Variants in PCNX2 observed in about 807,000 individuals in gnomAD.
PCNX2 encodes the protein pecanex-like protein 2.
PCNX2 carries 168 observed loss-of-function variants against 223.8 expected under a neutral mutation model. The observed-to-expected ratio is 0.75, with a 90% CI of 0.66 to 0.85. The LOEUF (loss-of-function observed/expected upper bound fraction) is 0.85, where lower values mean the gene tolerates loss of function less well. PCNX2 is among the 40% of genes least tolerant of loss of function. The probability of loss-of-function intolerance (pLI) is 0.00; values close to 1 mark genes in which losing one functional copy is unlikely to be tolerated. For synonymous variants in PCNX2, 1,006 were observed against 1,052.6 expected (o/e 0.96, Z 0.86); for missense variants, 2,507 against 2,675.5 (o/e 0.94, Z 1.39).
At chr1:233,217,172 ACT>A (rs1657003851) in intron 12 of PCNX2, among the ~76,000 whole-genome samples, 1 of 151,986 alleles carries the variant, frequency 6.6e-6, no homozygotes, top group African/African-American at 2.4e-5. Context: ...ATAATAATAC[ACT>A]GTTATACTCA....
chr1:233,161,183 G>A lies in PCNX2; in HGVS notation c.3366+88C>T, dbSNP rs962838511. On this transcript the variant is annotated intron_variant, in intron 18 of 33. Transcript: ENST00000258229. ...TTTGTTTTCTTTCTCTGGCTCACGT[G>A]TCTTGTCAATACCCTGTAGCTCCAT... is the stretch of plus-strand genomic sequence containing the variant. 5 of 1,233,144 alleles carry A rather than the reference G, an allele frequency of 4.1e-6. No individual in the cohort carries two copies. In the African/African-American group the frequency reaches 6.0e-5, roughly 15 times the overall value. The allele number at this position is 1,233,144 out of a possible 1,614,324, so 76.4% of individuals were successfully genotyped here.
the PCNX2 span, among the ~76,000 whole-genome samples, chr1:233,314,001 G>A: frequency 6.6e-5 from 10 of 152,130 alleles, no homozygotes; most frequent in South Asian, 2.1e-4. Flanking sequence ...AATCCCATTC[G>A]CAGGAATTTA....
chr1:233,183,443 C>T (rs1679919430), intron 15 of PCNX2, among the ~76,000 whole-genome samples: 1 of 152,150 alleles, frequency 6.6e-6, no homozygotes, highest in Non-Finnish European at 1.5e-5. Flanking sequence ...CAAGAATTTT[C>T]AGCAAGAAAA....
chr1:233,151,426 A>G (rs1677801322), intron 19 of PCNX2, among the ~76,000 whole-genome samples: 2 of 152,200 alleles, frequency 1.3e-5, no homozygotes, highest in South Asian at 4.1e-4. Context: ...GCCCAAAGCC[A>G]CTGTAGGACC....
chr1:233,177,992 A>C (rs1481985120), intron 16 of PCNX2, 94 bp from the exon 17 acceptor site: 1 of 896,320 alleles, frequency 1.1e-6, no homozygotes, highest in Non-Finnish European at 1.8e-6. Context: ...CCCACACATG[A>C]CAAAAACAAG....
intron 1 of PCNX2, among the ~76,000 whole-genome samples, chr1:233,282,038 AT>A (rs139597114): frequency 0.014 from 2,111 of 152,070 alleles, 60 homozygotes; most frequent in African/African-American, 0.049. Flanking sequence ...TTCACCTCCC[AT>A]TGCCTCTTAA....
At chr1:233,098,788 T>C (rs557528201) in intron 21 of PCNX2, among the ~76,000 whole-genome samples, 1 of 152,350 alleles carries the variant, frequency 6.6e-6, no homozygotes, top group East Asian at 1.9e-4. Context: ...CTGCCTGAGT[T>C]TGAATCCCAC....
intron 5 of PCNX2, among the ~76,000 whole-genome samples, chr1:233,255,470 C>T (rs1170357617): frequency 1.3e-5 from 2 of 152,214 alleles, no homozygotes; most frequent in East Asian, 3.8e-4. Flanking sequence ...TATAAGCAAG[C>T]TCTGAATAAA....
intron 13 of PCNX2, among the ~76,000 whole-genome samples, chr1:233,204,226 T>C (rs988979677): frequency 2.6e-5 from 4 of 152,042 alleles, no homozygotes; most frequent in Non-Finnish European, 5.9e-5. Flanking sequence ...GGGGACACCA[T>C]GTAAATATAC....
intron 9 of PCNX2, among the ~76,000 whole-genome samples, chr1:233,229,949 C>A (rs115440495): frequency 0.012 from 1,828 of 152,216 alleles, 37 homozygotes; most frequent in African/African-American, 0.042. Flanking sequence ...AACAATTATT[C>A]TTGGCCTATT....
At chr1:233,224,063 G>C (rs1657551995) in intron 10 of PCNX2, among the ~76,000 whole-genome samples, 2 of 152,100 alleles carry the variant, frequency 1.3e-5, no homozygotes, top group South Asian at 4.1e-4. Context: ...AGAGACAATG[G>C]CTGTTTTATT....
chr1:233,239,604 C>T (rs1658634040), intron 8 of PCNX2, among the ~76,000 whole-genome samples: 1 of 152,080 alleles, frequency 6.6e-6, no homozygotes, highest in Admixed American at 6.6e-5. Context: ...ACCTTAAATC[C>T]TCCCTATTAA....
intron 19 of PCNX2, among the ~76,000 whole-genome samples, chr1:233,159,427 T>C (rs981634148): frequency 6.6e-6 from 1 of 152,206 alleles, no homozygotes; most frequent in Non-Finnish European, 1.5e-5. Context: ...CAAACCTTGG[T>C]GCCCCTCACT....
At chr1:233,228,232 T>C (rs1327754569) in intron 9 of PCNX2, among the ~76,000 whole-genome samples, 2 of 152,186 alleles carry the variant, frequency 1.3e-5, no homozygotes, top group South Asian at 4.1e-4. Flanking sequence ...AAAGCTCCCA[T>C]GCAGCTCCTC....
At chr1:233,278,124 C>G (rs1039803803) in intron 1 of PCNX2, among the ~76,000 whole-genome samples, 1 of 152,192 alleles carries the variant, frequency 6.6e-6, no homozygotes, top group Non-Finnish European at 1.5e-5. Flanking sequence ...ATAAACTCCC[C>G]GAGTCTACTC....
intron 23 of PCNX2, among the ~76,000 whole-genome samples, chr1:233,064,622 C>T (rs908052992): frequency 6.6e-6 from 1 of 152,196 alleles, no homozygotes; most frequent in Non-Finnish European, 1.5e-5. Context: ...ACCCACCACC[C>T]ACCCCATTCT....
At chr1:233,264,523 A>G (rs1451881371) in intron 1 of PCNX2, among the ~76,000 whole-genome samples, 12 of 150,158 alleles carry the variant, frequency 8.0e-5, no homozygotes, top group Non-Finnish European at 1.5e-5. Flanking sequence ...ACAGAGCACA[A>G]AAAAGAAAGA....
intron 1 of PCNX2, among the ~76,000 whole-genome samples, chr1:233,273,808 G>A (rs34070591): frequency 0.39 from 59,556 of 151,662 alleles, 12,602 homozygotes; most frequent in African/African-American, 0.56. Context: ...TATTTTTAGT[G>A]GAGACGGGGT....
chr1:232,993,751 C>A (rs760618066), intron 32 of PCNX2, among the ~76,000 whole-genome samples: 2 of 152,226 alleles, frequency 1.3e-5, no homozygotes, highest in Non-Finnish European at 2.9e-5. Flanking sequence ...ATGGGCTGGG[C>A]CACGGACCCC....
Sources: gnomAD v4.1 joint callset for allele counts (sites outside exome capture counted in the v4.1 genomes callset) on GRCh38, gnomAD v4.1.1 for gene constraint, MANE v1.5 for transcripts, NCBI Gene and HGNC (gene_info 2026-07-23, HGNC 2026-07-21) for gene names.